The following PDSS2 variants were observed in gnomAD, a reference collection of about 807,000 sequenced individuals.
PDSS2 encodes all trans-polyprenyl-diphosphate synthase PDSS2.
Under a neutral mutation model 44.5 loss-of-function variants are expected in PDSS2, and 31 were observed. The ratio of observed to expected loss-of-function variants is 0.70; its 90% CI spans 0.52 to 0.94. PDSS2 has a LOEUF of 0.94. Among genes scored for constraint, PDSS2 ranks in the 40% least tolerant of loss-of-function variants. The pLI is 0.00. For synonymous variants in PDSS2, 157 were observed against 180.3 expected (o/e 0.87, Z 1.03); for missense variants, 452 against 482.2 (o/e 0.94, Z 0.59).
At chr6:107,224,402 T>C (rs1773718085) in intron 4 of PDSS2, among the ~76,000 whole-genome samples, 1 of 151,302 alleles carries the variant, frequency 6.6e-6, no homozygotes, top group African/African-American at 2.5e-5. Context: ...CACGTAGAAG[T>C]GGGAGTTGTT....
At chr6:107,296,309 C>T (rs1031345830) in intron 2 of PDSS2, among the ~76,000 whole-genome samples, 1 of 152,224 alleles carries the variant, frequency 6.6e-6, no homozygotes, top group Non-Finnish European at 1.5e-5. Flanking sequence ...GCTGGCATTA[C>T]GTACTAAGGG....
At chr6:107,342,208 G>C (rs894897229) in intron 1 of PDSS2, among the ~76,000 whole-genome samples, 15 of 151,112 alleles carry the variant, frequency 9.9e-5, no homozygotes, top group African/African-American at 3.4e-4. Flanking sequence ...AAAAATTAAA[G>C]ATGAGAGAAT....
intron 1 of PDSS2, among the ~76,000 whole-genome samples, chr6:107,401,118 G>A (rs1336807076): frequency 1.3e-5 from 2 of 152,120 alleles, no homozygotes; most frequent in Non-Finnish European, 2.9e-5. Flanking sequence ...TGGCCAGGAG[G>A]TCAACATGCA....
At chr6:107,183,136 C>T (rs1028327673) in intron 7 of PDSS2, among the ~76,000 whole-genome samples, 24 of 151,460 alleles carry the variant, frequency 1.6e-4, no homozygotes, top group Non-Finnish European at 2.1e-4. Context: ...CACTTGAGCC[C>T]GGGAGGTCAA....
At chr6:107,223,763 C>T (rs552319727) in intron 4 of PDSS2, among the ~76,000 whole-genome samples, 4 of 144,466 alleles carry the variant, frequency 2.8e-5, no homozygotes, top group African/African-American at 5.1e-5. Flanking sequence ...TACCCGCCCC[C>T]GACCCCGACC....
intron 1 of PDSS2, among the ~76,000 whole-genome samples, chr6:107,369,923 G>A (rs1227886200): frequency 6.6e-6 from 1 of 152,008 alleles, no homozygotes; most frequent in African/African-American, 2.4e-5. Flanking sequence ...AGGATCACTC[G>A]AGCCCAGGAG....
At chr6:107,157,417 C>T (rs1259947755) in intron 7 of PDSS2, among the ~76,000 whole-genome samples, 1 of 152,108 alleles carries the variant, frequency 6.6e-6, no homozygotes, top group African/African-American at 2.4e-5. Flanking sequence ...AACTCCTGGG[C>T]TCAAGAGATC....
intron 3 of PDSS2, among the ~76,000 whole-genome samples, chr6:107,253,584 A>G (rs953018024): frequency 3.2e-4 from 49 of 152,220 alleles, no homozygotes; most frequent in Admixed American, 3.2e-3. Context: ...GCTTATCTAG[A>G]TAAGAGGTTT....
intron 4 of PDSS2, among the ~76,000 whole-genome samples, chr6:107,217,744 C>T (rs544183602): frequency 1.3e-4 from 20 of 152,094 alleles, no homozygotes; most frequent in Non-Finnish European, 2.5e-4. Context: ...TACATACATG[C>T]GAAATGAAAT....
intron 1 of PDSS2, among the ~76,000 whole-genome samples, chr6:107,453,714 T>C (rs1416357671): frequency 6.6e-6 from 1 of 152,240 alleles, no homozygotes; most frequent in Non-Finnish European, 1.5e-5. Flanking sequence ...TTTACTATTC[T>C]AGCTCTATTC....
chr6:107,429,900 AAATATATATATATAT>A lies in PDSS2; in HGVS notation c.296+29075_296+29089del, dbSNP rs1299878623. Reference sequence around the variant, plus strand: ...ACTTAGTCTCAAAAAAAAAAAAAAAAAATATATATATATATATATATATATATATATATATATACA... The same window carrying A: ...ACTTAGTCTCAAAAAAAAAAAAAAAAATATATATATATATATATATATACA... On this transcript the variant is annotated intron_variant, in intron 1 of 7. Coordinates refer to ENST00000369037, the MANE Select transcript of PDSS2 (RefSeq NM_020381.4). Among the ~76,000 whole-genome samples, 232 of 42,324 alleles carry A rather than the reference AAATATATATATATAT, an allele frequency of 5.5e-3. 21 individuals carry two copies. The highest frequency in any genetic ancestry group is 0.03 in the East Asian group (31 of 1,040). The allele number at this position is 42,324 out of a possible 152,430, so 27.8% of individuals were successfully genotyped here. A position where few individuals can be genotyped will look rare whatever the true frequency, so the allele number is the denominator to read the frequency against.
At chr6:107,352,084 C>T (rs1230622006) in intron 1 of PDSS2, among the ~76,000 whole-genome samples, 2 of 152,028 alleles carry the variant, frequency 1.3e-5, no homozygotes, top group Non-Finnish European at 2.9e-5. Flanking sequence ...TTGAAGTAAA[C>T]CATCATAAGA....
intron 3 of PDSS2, among the ~76,000 whole-genome samples, chr6:107,246,867 A>AT (rs993211592): frequency 3.9e-5 from 6 of 151,908 alleles, no homozygotes; most frequent in Non-Finnish European, 7.4e-5. Flanking sequence ...AGTCTTTTTT[A>AT]TTTTTTTTAA....
chr6:107,318,235 TCTC>T lies in PDSS2; in HGVS notation c.431+15960_431+15962del, dbSNP rs141024466. Among the ~76,000 whole-genome samples the T allele has an allele frequency of 0.013, 2,033 of 152,016 alleles. 121 individuals carry two copies. In the East Asian group the frequency reaches 0.2, roughly 15 times the overall value. On this transcript the variant is annotated intron_variant, in intron 2 of 7. Coordinates refer to ENST00000369037, the MANE Select transcript of PDSS2 (RefSeq NM_020381.4). ...ATATACTGGCTAATTTCCCTCCACT[TCTC>T]CTTGACCGCCCCGCTTCTTTCACCA...
intron 3 of PDSS2, among the ~76,000 whole-genome samples, chr6:107,261,076 C>A (rs1479746077): frequency 6.6e-6 from 1 of 152,186 alleles, no homozygotes. Context: ...ATGGTCTCAC[C>A]TGAGGAACTT....
intron 1 of PDSS2, among the ~76,000 whole-genome samples, chr6:107,370,119 T>C (rs1562493546): frequency 6.6e-6 from 1 of 151,926 alleles, no homozygotes; most frequent in Admixed American, 6.6e-5. Flanking sequence ...CCAAAAGAGA[T>C]GAAGTGATAA....
intron 7 of PDSS2, among the ~76,000 whole-genome samples, chr6:107,170,615 C>T (rs1966287): frequency 0.27 from 37,269 of 136,666 alleles, 6,075 homozygotes; most frequent in Non-Finnish European, 0.36. Context: ...CACCCCCCCC[C>T]CCCCACTTTT....
intron 1 of PDSS2, among the ~76,000 whole-genome samples, chr6:107,373,335 C>T (rs1353295361): frequency 5.9e-5 from 9 of 152,126 alleles, no homozygotes; most frequent in East Asian, 3.9e-4. Context: ...TCTTAGTCTA[C>T]GAGGCAGAGT....
At chr6:107,339,330 G>A (rs988872238) in intron 1 of PDSS2, among the ~76,000 whole-genome samples, 1 of 152,202 alleles carries the variant, frequency 6.6e-6, no homozygotes, top group Non-Finnish European at 1.5e-5. Context: ...AATGAAAGCA[G>A]TATTTAGTAT....
Sources: allele counts gnomAD v4.1 joint callset (sites outside exome capture counted in the v4.1 genomes callset), GRCh38; gene constraint gnomAD v4.1.1; transcripts MANE v1.5; gene names NCBI Gene and HGNC (gene_info 2026-07-23, HGNC 2026-07-21).